Variants in MAP3K1 observed in about 807,000 individuals in gnomAD.
MAP3K1 encodes mitogen-activated protein kinase kinase kinase 1.
In MAP3K1, 36 loss-of-function variants were observed where a neutral mutation model predicts 144.2. The observed-to-expected ratio is 0.25, with a 90% CI of 0.19 to 0.33. The LOEUF is 0.33. Among genes scored for constraint, MAP3K1 ranks in the 10% least tolerant of loss-of-function variants. MAP3K1 has a pLI of 1.00. For missense variants in MAP3K1, 1,650 were observed against 1,881.9 expected, an observed-to-expected ratio of 0.88 and a Z score of 2.28; for synonymous variants, 718 against 688.7, an observed-to-expected ratio of 1.04 and a Z score of -0.67.
intron 1 of MAP3K1, among the ~76,000 whole-genome samples, chr5:56,854,110 A>G (rs971240969): frequency 8.5e-5 from 13 of 152,166 alleles, no homozygotes; most frequent in African/African-American, 1.9e-4. Context: ...ATTTGTGTAC[A>G]TTTTTAACCC....
At chr5:56,865,021 A>T in intron 4 of MAP3K1, 87 bp downstream of exon 4, 1 of 1,218,828 alleles carries the variant, frequency 8.2e-7, no homozygotes, top group Non-Finnish European at 1.2e-6. Context: ...TTAAATTTAG[A>T]TCAATTAATT....
At chr5:56,872,592 A>G in intron 7 of MAP3K1, 49 bp from the exon 8 acceptor site, 1 of 1,036,258 alleles carries the variant, frequency 9.7e-7, no homozygotes, top group Non-Finnish European at 1.5e-6. Flanking sequence ...AATAAAAATA[A>G]TGTTAAACAT....
intron 19 of MAP3K1, among the ~76,000 whole-genome samples, chr5:56,888,865 TAA>T (rs1354107904): frequency 6.6e-6 from 1 of 152,342 alleles, no homozygotes; most frequent in East Asian, 1.9e-4. Context: ...AACCTCAGCG[TAA>T]GTTGAAGAGC....
chr5:56,819,193 A>G (rs948879253), intron 1 of MAP3K1, among the ~76,000 whole-genome samples: 5 of 152,186 alleles, frequency 3.3e-5, no homozygotes, highest in African/African-American at 2.4e-5. Context: ...TTTTCTTTTC[A>G]TATCTGATTT....
intron 1 of MAP3K1, among the ~76,000 whole-genome samples, chr5:56,816,367 T>A (rs1055742454): frequency 6.6e-6 from 1 of 151,892 alleles, no homozygotes; most frequent in Non-Finnish European, 1.5e-5. Flanking sequence ...TTTGTGGGAC[T>A]CCTGGAATCG....
chr5:56,871,716 A>G (rs899436300), intron 6 of MAP3K1, among the ~76,000 whole-genome samples, 194 bp from the exon 7 acceptor site: 13 of 152,212 alleles, frequency 8.5e-5, no homozygotes, highest in African/African-American at 2.4e-4. Context: ...CCTACAATCT[A>G]TAAATACTCG....
chr5:56,847,318 C>T (rs942972118), intron 1 of MAP3K1, among the ~76,000 whole-genome samples: 29 of 152,328 alleles, frequency 1.9e-4, no homozygotes, highest in Admixed American at 1.1e-3. Context: ...AAGACTTGGT[C>T]GGGCGTGGTG....
rs550069819 is a variant in MAP3K1 at position 56,863,491 on chromosome 5, T to G, written c.835-1243T>G. ...TATAGCATGTGTTAGTACTCCATTT[T>G]TAATTGCAGAGCAATATTGTATGGA... On this transcript the variant is annotated intron_variant, in intron 3 of 19. Coordinates refer to ENST00000399503, the MANE Select transcript of MAP3K1 (RefSeq NM_005921.2). Among the ~76,000 whole-genome samples the G allele has an allele frequency of 1.3e-4, 20 of 152,358 alleles. No homozygotes were observed. In the East Asian group the frequency reaches 3.9e-3, roughly 29 times the overall value.
At chr5:56,827,534 G>A (rs1247257276) in intron 1 of MAP3K1, among the ~76,000 whole-genome samples, 2 of 152,172 alleles carry the variant, frequency 1.3e-5, no homozygotes, top group Non-Finnish European at 2.9e-5. Context: ...GGAACTACAT[G>A]TTTCCATTTC....
chr5:56,871,411 A>G (rs1456215910), intron 6 of MAP3K1, among the ~76,000 whole-genome samples: 1 of 152,162 alleles, frequency 6.6e-6, no homozygotes, highest in Non-Finnish European at 1.5e-5. Flanking sequence ...GATTGTGTAC[A>G]CTTAAAATGT....
intron 6 of MAP3K1, among the ~76,000 whole-genome samples, chr5:56,868,855 A>AGGCCGGGCGCGGTGGCTCACG (rs1747763506): frequency 6.6e-6 from 1 of 152,188 alleles, no homozygotes; most frequent in African/African-American, 2.4e-5. Flanking sequence ...TGTGGTATAT[A>AGGCCGGGCGCGGTGGCTCACG]CACATAGTGG....
intron 1 of MAP3K1, among the ~76,000 whole-genome samples, chr5:56,822,906 A>T (rs252904): frequency 0.77 from 116,989 of 151,978 alleles, 45,391 homozygotes; most frequent in Non-Finnish European, 0.82. Context: ...TCAGATTCAG[A>T]CCATCCTTAG....
chr5:56,849,366 A>C lies in MAP3K1; in HGVS notation c.483-7234A>C, dbSNP rs914232169. On this transcript the variant is annotated intron_variant, in intron 1 of 19. Transcript: ENST00000399503. ...CCTCTCTGTCTTTAAAAAAAAAAAA[A>C]AAAAGAATCAATCCTTTGTTGTGCT... Among the ~76,000 whole-genome samples, 25 of 152,254 alleles carry C rather than the reference A, an allele frequency of 1.6e-4. 1 individual carries two copies. Among genetic ancestry groups the C allele is most frequent in the Admixed American group, 5.2e-4 (8 of 15,290 alleles).
At chr5:56,823,129 A>G (rs961003852) in intron 1 of MAP3K1, among the ~76,000 whole-genome samples, 2 of 152,220 alleles carry the variant, frequency 1.3e-5, no homozygotes, top group Non-Finnish European at 2.9e-5. Context: ...TAATTTTAAG[A>G]TGTTCAGATG....
At chr5:56,865,173 AATCAT>A (rs1443179251) in intron 4 of MAP3K1, among the ~76,000 whole-genome samples, 162 bp from the exon 5 acceptor site, 2 of 152,206 alleles carry the variant, frequency 1.3e-5, no homozygotes. Flanking sequence ...TGAAAGATTA[AATCAT>A]GGAAATAGCT....
At chr5:56,854,448 AAAG>A (rs1250742434) in intron 1 of MAP3K1, among the ~76,000 whole-genome samples, 4 of 150,254 alleles carry the variant, frequency 2.7e-5, no homozygotes, top group African/African-American at 7.4e-5. Flanking sequence ...AAAAAAAAAA[AAAG>A]AAAGAAAAAA....
chr5:56,855,603 G>A (rs1278138883), intron 1 of MAP3K1, among the ~76,000 whole-genome samples: 1 of 151,898 alleles, frequency 6.6e-6, no homozygotes, highest in Non-Finnish European at 1.5e-5. Context: ...TCTGAAGATC[G>A]TACTTCATAG....
At chr5:56,842,918 T>TCAGA (rs879499048) in intron 1 of MAP3K1, among the ~76,000 whole-genome samples, 9 of 152,290 alleles carry the variant, frequency 5.9e-5, no homozygotes, top group Admixed American at 5.9e-4. Context: ...CCAGGCAGTC[T>TCAGA]CGCTCCAGAA....
intron 15 of MAP3K1, 78 bp downstream of exon 15, chr5:56,883,757 A>G (rs1748296240): frequency 3.5e-6 from 5 of 1,426,602 alleles, no homozygotes; most frequent in Admixed American, 3.3e-5. Context: ...AATAAAGGAT[A>G]TGTCCACGTG....
Sources: allele counts gnomAD v4.1 joint callset (sites outside exome capture counted in the v4.1 genomes callset), GRCh38; gene constraint gnomAD v4.1.1; transcripts MANE v1.5; gene names NCBI Gene and HGNC (gene_info 2026-07-23, HGNC 2026-07-21).